OSBPL5: variants seen among roughly 807,000 people sequenced by gnomAD.
The protein encoded by OSBPL5 is oxysterol binding protein like 5, also known as oxysterol-binding protein-related protein 5.
In OSBPL5, 71 loss-of-function variants were observed where a neutral mutation model predicts 111.2. That is an observed-to-expected ratio of 0.64 (90% CI 0.53 to 0.78). The LOEUF (loss-of-function observed/expected upper bound fraction) is 0.78. OSBPL5 is among the 30% of genes least tolerant of loss of function. The pLI, the probability that OSBPL5 is intolerant of heterozygous loss-of-function variation, is 0.00. For missense variants in OSBPL5, 1,210 were observed against 1,189.3 expected (o/e 1.02, Z -0.26); for synonymous variants, 549 against 513.9 (o/e 1.07, Z -0.93).
At chr11:3,128,520 T>A (rs1411575134) in intron 2 of OSBPL5, among the ~76,000 whole-genome samples, 2 of 152,202 alleles carry the variant, frequency 1.3e-5, no homozygotes, top group Non-Finnish European at 2.9e-5. Context: ...GGGTGCTTTA[T>A]CTACAATTGC....
At chr11:3,133,733 TC>T (rs1399429730) in intron 1 of OSBPL5, among the ~76,000 whole-genome samples, 1 of 152,208 alleles carries the variant, frequency 6.6e-6, no homozygotes, top group Non-Finnish European at 1.5e-5. Context: ...GCCCCCACAG[TC>T]CTGAAGTCCA....
chr11:3,090,576 C>A lies in OSBPL5; in HGVS notation c.2380G>T (p.Asp794Tyr). The change falls in exon 20 of 22, where the codon GAT (aspartate) becomes TAT (tyrosine). Residue 794 changes from aspartate to tyrosine, a missense_variant. Transcript: ENST00000263650. ...SCPELSDEEQDGDFVPGGESP... is the reference protein window; with the variant it reads ...SCPELSDEEQYGDFVPGGESP... ...GGCTCACCAGGGACAAAGTCACCAT[C>A]CTGCTCCTCGTCTGAGAGCTCTGGG... The A allele has an allele frequency of 6.2e-7, 1 of 1,612,980 alleles. No individual in the cohort carries two copies. Among genetic ancestry groups the A allele is most frequent in the African/African-American group, 1.3e-5 (1 of 75,068 alleles).
rs28811619 is a variant in OSBPL5 at position 3,112,478 on chromosome 11, C to T, written c.692-4533G>A. Among the ~76,000 whole-genome samples, 452 of 108,638 alleles carry T rather than the reference C, an allele frequency of 4.2e-3. 11 individuals carry two copies. The highest frequency in any genetic ancestry group is 6.1e-3 in the South Asian group (19 of 3,102). 71.3% of individuals were successfully genotyped at this position (108,638 alleles called of 152,430 possible). A position where few individuals can be genotyped will look rare whatever the true frequency, so the allele number is the denominator to read the frequency against. ...TGTAACCTGTTTTGTGTTTTCTTTT[C>T]TTTTTTTTTTTTTTTTTGACTAAAG... On this transcript the variant is annotated intron_variant, in intron 7 of 21. Coordinates refer to ENST00000263650, the MANE Select transcript of OSBPL5 (RefSeq NM_020896.4).
At position 3,093,770 on chromosome 11, in the gene OSBPL5, G is replaced by A. The variant is rs1262418249; in HGVS notation, c.1785C>T (p.Val595=). 1.6e-5 allele frequency: 26 copies of A among 1,613,038 alleles called. No homozygotes were observed. Among genetic ancestry groups the A allele is most frequent in the African/African-American group, 4.0e-5 (3 of 74,950 alleles). ...ISGKITSGEE[V]LASLSGHWDR... is the part of the protein sequence containing the mutation. ...CCCAGTGGCCACTGAGGCTCGCCAG[G>A]ACTTCCTCTCCCGACGTGATCTTTC... Residue 595 remains valine (V), a synonymous_variant, in exon 16 of 22, where the codon GTC becomes GTT. Coordinates refer to ENST00000263650, the MANE Select transcript of OSBPL5 (RefSeq NM_020896.4).
chr11:3,118,005 G>A (rs1858269384), intron 7 of OSBPL5, among the ~76,000 whole-genome samples: 1 of 152,196 alleles, frequency 6.6e-6, no homozygotes, highest in Non-Finnish European at 1.5e-5. Context: ...CATAGGACAT[G>A]AGACTTCACA....
Position 3,113,564 on chromosome 11 carries a change from A to G in OSBPL5, c.692-5619T>C, listed in dbSNP as rs1039121736. Among the ~76,000 whole-genome samples the G allele has an allele frequency of 6.6e-6, 1 of 152,088 alleles. No homozygotes were observed. Among genetic ancestry groups the G allele is most frequent in the Non-Finnish European group, 1.5e-5 (1 of 68,016 alleles). On this transcript the variant is annotated intron_variant, in intron 7 of 21. Transcript: ENST00000263650. This position sits in a 1 kb window ranked among gnomAD's most constrained non-coding sequence, Gnocchi z 4.8. Reference sequence around the variant, plus strand: ...CAGCTACTCGTGAGGCTGAGGCAGGAGAATTGCTTGACCTGGGAGGCAGAG... The same window carrying G: ...CAGCTACTCGTGAGGCTGAGGCAGGGGAATTGCTTGACCTGGGAGGCAGAG...
At position 3,104,372 on chromosome 11, in the gene OSBPL5, G is replaced by A. The variant is rs140139408; in HGVS notation, c.1065C>T (p.Gly355=). ...EQVQEELGEL[G]EASQVETVSE... ...ACACTGTCTCCACCTGGGACGCCTC[G>A]CCCAGCTGCAGCAGACAGGCTGCAG... Residue 355 remains glycine (G), a synonymous_variant, in exon 10 of 22, where the codon GGC becomes GGT. Transcript: ENST00000263650. This position sits in a 1 kb window ranked among gnomAD's most constrained non-coding sequence, Gnocchi z 5.0. The A allele has an allele frequency of 9.0e-5, 145 of 1,608,872 alleles. 1 individual carries two copies. In the African/African-American group the frequency reaches 1.5e-3, roughly 17 times the overall value.
At chr11:3,137,067 T>C (rs59062879) in intron 1 of OSBPL5, among the ~76,000 whole-genome samples, 17,434 of 152,182 alleles carry the variant, frequency 0.11, 2,338 homozygotes, top group African/African-American at 0.33. Flanking sequence ...ACAGCAGCCA[T>C]CATGTCAACA....
chr11:3,094,441 G>A, intron 14 of OSBPL5, 107 bp from the exon 15 acceptor site: 4 of 821,778 alleles, frequency 4.9e-6, no homozygotes, highest in Non-Finnish European at 7.9e-6. Context: ...CGACCCAGCA[G>A]CACCGATCCC....
At position 3,109,636 on chromosome 11, in the gene OSBPL5, G is replaced by A. The variant is rs753215651; in HGVS notation, c.692-1691C>T. ...GCTGCCCTTCTCATTGGGTTGGGGG[G>A]ATATCTGGGATCCTGCTGGTTCCAC... On this transcript the variant is annotated intron_variant, in intron 7 of 21. Coordinates refer to ENST00000263650, the MANE Select transcript of OSBPL5 (RefSeq NM_020896.4). This position sits in a 1 kb window ranked among gnomAD's most constrained non-coding sequence, Gnocchi z 7.4. Among the ~76,000 whole-genome samples the A allele has an allele frequency of 6.6e-6, 1 of 152,060 alleles. No individual in the cohort carries two copies. Among genetic ancestry groups the A allele is most frequent in the Admixed American group, 6.5e-5 (1 of 15,276 alleles).
In OSBPL5 at chr11:3,092,085, C is replaced by T. The variant is rs141754706; in HGVS notation, c.2259+347G>A. Among the ~76,000 whole-genome samples, 1,949 of 152,312 alleles carry T rather than the reference C, an allele frequency of 0.013. 36 individuals carry two copies. The highest frequency in any genetic ancestry group is 0.045 in the African/African-American group (1,863 of 41,572). On this transcript the variant is annotated intron_variant, in intron 19 of 21. Coordinates refer to ENST00000263650, the MANE Select transcript of OSBPL5 (RefSeq NM_020896.4). The surrounding 1 kb of genome is among the most constrained non-coding windows in gnomAD (Gnocchi z 5.4). ...TCTGTGCAAGTGCTGGCTCCTCCTC[C>T]TCCTACCTGGGAAGGGCCCTGGGCT...
rs184016045 is a variant in OSBPL5, at chr11:3,107,652, T to C, written c.866+119A>G. ...CCCAGGGCACACTGCAGCGAACAAG[T>C]CCCTGCGTGCAGCCTGCAGCCCACC... On this transcript the variant is annotated intron_variant, in intron 8 of 21. Coordinates refer to ENST00000263650, the MANE Select transcript of OSBPL5 (RefSeq NM_020896.4). The surrounding 1 kb of genome is among the most constrained non-coding windows in gnomAD (Gnocchi z 6.1). The C allele has an allele frequency of 4.5e-5, 65 of 1,431,942 alleles. No homozygotes were observed. Among genetic ancestry groups the C allele is most frequent in the Non-Finnish European group, 5.7e-6 (6 of 1,047,240 alleles). 88.7% of individuals were successfully genotyped at this position (1,431,942 alleles called of 1,614,324 possible).
chr11:3,135,508 G>GA (rs1034653160), intron 1 of OSBPL5, among the ~76,000 whole-genome samples: 1 of 152,202 alleles, frequency 6.6e-6, no homozygotes, highest in African/African-American at 2.4e-5. Flanking sequence ...GGCAGGCAGG[G>GA]ATGGGTGCCC....
rs1205235051 is a variant in OSBPL5, at chr11:3,089,981, AG to A, written c.2399-34del. 2.0e-6 allele frequency: 3 copies of A among 1,474,834 alleles called. No individual in the cohort carries two copies. In the African/African-American group the frequency reaches 4.2e-5, roughly 21 times the overall value. The allele number at this position is 1,474,834 out of a possible 1,614,324, so 91.4% of individuals were successfully genotyped here. ...GGCCCCGAGTGAGACAAAGGAGGGG[AG>A]GGGAGGAGTGAGGATGAGCTGGAGG... On this transcript the variant is annotated intron_variant, in intron 20 of 21. Transcript: ENST00000263650.
rs2134406996 is a variant in OSBPL5 at position 3,101,697 on chromosome 11, C to A, written c.1428G>T (p.Val476=). Residue 476 remains valine, a splice_region_variant and synonymous_variant, in exon 13 of 22, where the codon GTG becomes GTT. Coordinates refer to ENST00000263650, the MANE Select transcript of OSBPL5 (RefSeq NM_020896.4). The part of the protein sequence containing the change: ...DSRTFYIAEQ[V]SHHPPVSAFH... ...AGGCAGACACGGGCGGGTGGTGGGACACCTGCGTGCAGGGAGGCGGCTCTG... is the reference window on the plus strand; with the variant it reads ...AGGCAGACACGGGCGGGTGGTGGGAAACCTGCGTGCAGGGAGGCGGCTCTG... The A allele has an allele frequency of 1.9e-6, 3 of 1,613,144 alleles. No homozygotes were observed. The East Asian group carries it at 6.7e-5, about 36-fold the overall frequency.
At chr11:3,160,500 T>C (rs138473284) in intron 1 of OSBPL5, among the ~76,000 whole-genome samples, 75 of 152,324 alleles carry the variant, frequency 4.9e-4, no homozygotes, top group Non-Finnish European at 6.0e-4. Context: ...GCCCAGCGAA[T>C]GGGACCCACA....
rs774192603 is a variant in OSBPL5 at position 3,114,591 on chromosome 11, A to ACTTTTTTT, written c.691+4955_691+4956insAAAAAAAG. ...GACTAAAGAATTGGTTAGAACAATG[A>ACTTTTTTT]TTTTTTTTTTTTTTTTTTTTTTTTT... On this transcript the variant is annotated intron_variant, in intron 7 of 21. Transcript: ENST00000263650. Among the ~76,000 whole-genome samples the ACTTTTTTT allele has an allele frequency of 5.1e-3, 581 of 113,904 alleles. 212 individuals carry two copies. Among genetic ancestry groups the ACTTTTTTT allele is most frequent in the African/African-American group, 0.019 (545 of 28,414 alleles). The allele number at this position is 113,904 out of a possible 152,430, so 74.7% of individuals were successfully genotyped here. A position where few individuals can be genotyped will look rare whatever the true frequency, so the allele number is the denominator to read the frequency against.
chr11:3,120,733 G>T, intron 5 of OSBPL5, 109 bp from the exon 6 acceptor site: 1 of 1,192,974 alleles, frequency 8.4e-7, no homozygotes, highest in Non-Finnish European at 1.2e-6. Context: ...GCTGCCGAGG[G>T]GCCCTTCCCC....
intron 7 of OSBPL5, among the ~76,000 whole-genome samples, chr11:3,112,537 T>C (rs1200381324): frequency 6.6e-6 from 1 of 151,590 alleles, no homozygotes; most frequent in African/African-American, 2.4e-5. Context: ...CTTGGGCTTT[T>C]AAGGAAGAGT....
Sources: gnomAD v4.1 joint callset for allele counts (sites outside exome capture counted in the v4.1 genomes callset) on GRCh38, gnomAD v4.1.1 for gene constraint, Gnocchi (gnomAD v3.1) non-coding constraint, MANE v1.5 for transcripts, NCBI Gene and HGNC (gene_info 2026-07-23, HGNC 2026-07-21) for gene names.